SHROOM3: variants seen among roughly 807,000 people sequenced by gnomAD.
The protein encoded by SHROOM3 is shroom family member 3.
In SHROOM3, 47 loss-of-function variants were observed where a neutral mutation model predicts 138.6. That is an observed-to-expected ratio of 0.34 (90% CI 0.27 to 0.43). The LOEUF is 0.43. SHROOM3 is among the 20% of genes least tolerant of loss of function. The probability of loss-of-function intolerance (pLI) is 1.00; values close to 1 mark genes in which losing one functional copy is unlikely to be tolerated. For synonymous variants in SHROOM3, 1,062 were observed against 1,063.3 expected (o/e 1.00, Z 0.02); for missense variants, 2,491 against 2,596.5 (o/e 0.96, Z 0.88).
intron 9 of SHROOM3, among the ~76,000 whole-genome samples, chr4:76,766,776 G>C (rs187053009): frequency 2.0e-5 from 3 of 152,138 alleles, no homozygotes; most frequent in Admixed American, 2.0e-4. Context: ...TAAGGGGCTC[G>C]TTAGGGCTTT....
At chr4:76,507,428 A>G (rs1271081856) in intron 1 of SHROOM3, among the ~76,000 whole-genome samples, 1 of 152,160 alleles carries the variant, frequency 6.6e-6, no homozygotes, top group East Asian at 1.9e-4. Context: ...TTTTGATCAT[A>G]GCTGCCTTAG....
rs763744309 is a variant in SHROOM3, at chr4:76,754,571, C to T, written c.4088C>T (p.Pro1363Leu). The change falls in exon 7 of 11, where the codon CCC becomes CTC. Residue 1363 changes from proline (P) to leucine (L), a missense_variant. Around this residue, in one of 4 missense-constraint regions of SHROOM3, gnomAD observed 1,733 missense variants for 1,661.6 expected, o/e 1.04. Transcript: ENST00000296043. ...PIGTPLPSAI[P>L]SGYCSQDGQT... The stretch of plus-strand genomic sequence containing the variant: ...GGCACCCCTCTGCCTTCAGCCATTC[C>T]CTCTGGCTACTGCTCACAGGACGGT... 1.2e-6 allele frequency: 2 copies of T among 1,613,970 alleles called. No homozygotes were observed. The highest frequency in any genetic ancestry group is 1.3e-5 in the African/African-American group (1 of 74,914).
intron 1 of SHROOM3, among the ~76,000 whole-genome samples, chr4:76,438,121 G>A (rs907640834): frequency 1.2e-4 from 18 of 152,172 alleles, no homozygotes; most frequent in African/African-American, 4.3e-4. Flanking sequence ...AGACAGGTCT[G>A]GCTGCTGTAA....
At chr4:76,649,060 T>C (rs191786573) in intron 2 of SHROOM3, among the ~76,000 whole-genome samples, 1 of 152,348 alleles carries the variant, frequency 6.6e-6, no homozygotes, top group Admixed American at 6.5e-5. Context: ...AGTAGGTATA[T>C]GTAATTATAT....
At chr4:76,520,360 A>C (rs1289004186) in intron 1 of SHROOM3, among the ~76,000 whole-genome samples, 16 of 152,136 alleles carry the variant, frequency 1.1e-4, no homozygotes, top group Admixed American at 1.0e-3. Flanking sequence ...GATGATGATA[A>C]CAACACTAGT....
chr4:76,457,835 G>A (rs1447879637), intron 1 of SHROOM3, among the ~76,000 whole-genome samples: 2 of 145,702 alleles, frequency 1.4e-5, no homozygotes, highest in African/African-American at 2.6e-5. Context: ...TCACTCTGTC[G>A]CCCATGCTGG....
At chr4:76,705,561 T>C (rs1191291908) in intron 2 of SHROOM3, among the ~76,000 whole-genome samples, 1 of 152,096 alleles carries the variant, frequency 6.6e-6, no homozygotes, top group Non-Finnish European at 1.5e-5. Context: ...GTTATGAATA[T>C]TGGGTGGCAG....
chr4:76,646,225 A>AATAAATAAATAAATAAATAT (rs61374645), intron 2 of SHROOM3, among the ~76,000 whole-genome samples: 3 of 96,268 alleles, frequency 3.1e-5, no homozygotes, highest in Admixed American at 1.1e-4. Flanking sequence ...ATAATAAATA[A>AATAAATAAATAAATAAATAT]ATATATATAT....
intron 1 of SHROOM3, among the ~76,000 whole-genome samples, chr4:76,458,934 T>C (rs1731086529): frequency 6.6e-6 from 1 of 152,118 alleles, no homozygotes; most frequent in East Asian, 1.9e-4. Context: ...TCAAAACTGG[T>C]TTTAGGTCCA....
chr4:76,770,238 G>T (rs924874497), intron 9 of SHROOM3, among the ~76,000 whole-genome samples: 3 of 146,004 alleles, frequency 2.1e-5, no homozygotes, highest in Non-Finnish European at 4.4e-5. Flanking sequence ...CAGGAGAATC[G>T]CTTGAACCCA....
chr4:76,548,201 C>T (rs1486473416), intron 1 of SHROOM3, among the ~76,000 whole-genome samples: 3 of 144,246 alleles, frequency 2.1e-5, no homozygotes, highest in South Asian at 2.2e-4. Flanking sequence ...CTCCCTGTGC[C>T]GCTGGAAGGC....
At chr4:76,709,126 C>T (rs575601551) in intron 2 of SHROOM3, among the ~76,000 whole-genome samples, 4 of 152,216 alleles carry the variant, frequency 2.6e-5, no homozygotes, top group Non-Finnish European at 5.9e-5. Context: ...CACTTCCGTT[C>T]TGTGTTCCAG....
At chr4:76,463,592 A>G (rs1435519837) in intron 1 of SHROOM3, among the ~76,000 whole-genome samples, 1 of 152,232 alleles carries the variant, frequency 6.6e-6, no homozygotes, top group Non-Finnish European at 1.5e-5. Flanking sequence ...AAATGTCTCC[A>G]AGACATTTGA....
At chr4:76,725,760 C>T (rs1028649688) in intron 3 of SHROOM3, among the ~76,000 whole-genome samples, 1 of 152,308 alleles carries the variant, frequency 6.6e-6, no homozygotes, top group Admixed American at 6.5e-5. Context: ...ATCTCAACAG[C>T]ACTGGCTTTC....
At chr4:76,623,936 G>A (rs1156752876) in intron 2 of SHROOM3, among the ~76,000 whole-genome samples, 1 of 152,072 alleles carries the variant, frequency 6.6e-6, no homozygotes, top group Non-Finnish European at 1.5e-5. Flanking sequence ...CAGTGGAGAT[G>A]GTTTATTTCT....
intron 1 of SHROOM3, among the ~76,000 whole-genome samples, chr4:76,543,784 G>A (rs942736639): frequency 5.3e-5 from 8 of 152,196 alleles, no homozygotes; most frequent in African/African-American, 1.9e-4. Flanking sequence ...ACTGCAAGTG[G>A]CCCAGCCTAG....
At chr4:76,507,121 T>A (rs1485772259) in intron 1 of SHROOM3, among the ~76,000 whole-genome samples, 2 of 152,174 alleles carry the variant, frequency 1.3e-5, no homozygotes, top group Non-Finnish European at 2.9e-5. Flanking sequence ...AATGGAGTTA[T>A]CACATAACTT....
chr4:76,544,407 CTTTTTTTT>C (rs58799466), intron 1 of SHROOM3, among the ~76,000 whole-genome samples: 118 of 75,862 alleles, frequency 1.6e-3, no homozygotes, highest in African/African-American at 4.6e-3. Flanking sequence ...AGCTCAATGG[CTTTTTTTT>C]TTTTTTTTTT....
chr4:76,488,462 A>G (rs1731783487), intron 1 of SHROOM3, among the ~76,000 whole-genome samples: 1 of 152,218 alleles, frequency 6.6e-6, no homozygotes, highest in Non-Finnish European at 1.5e-5. Flanking sequence ...TTGACTTTTA[A>G]AGGGAACATT....
Sources: gnomAD v4.1 joint callset for allele counts (sites outside exome capture counted in the v4.1 genomes callset) on GRCh38, gnomAD v4.1.1 for gene constraint, gnomAD v4.1.1 regional missense constraint, MANE v1.5 for transcripts, NCBI Gene and HGNC (gene_info 2026-07-23, HGNC 2026-07-21) for gene names.